Variants in NEK10 observed in about 807,000 individuals in gnomAD.
NEK10 encodes the protein NIMA related kinase 10, also known as serine/threonine-protein kinase Nek10.
In NEK10, 122 loss-of-function variants were observed where a neutral mutation model predicts 159.8. That is an observed-to-expected ratio of 0.76 (90% CI 0.66 to 0.89). The LOEUF (loss-of-function observed/expected upper bound fraction) is 0.89. Among genes scored for constraint, NEK10 ranks in the 40% least tolerant of loss-of-function variants. NEK10 has a pLI of 0.00. For synonymous variants in NEK10, 466 were observed against 457.1 expected, an observed-to-expected ratio of 1.02 and a Z score of -0.25; for missense variants, 1,342 against 1,323.1, an observed-to-expected ratio of 1.01 and a Z score of -0.22.
intron 25 of NEK10, among the ~76,000 whole-genome samples, chr3:27,200,802 G>A (rs1949977173): frequency 6.6e-6 from 1 of 152,124 alleles, no homozygotes. Context: ...GAGGAAGTGA[G>A]GGCCTGTGTC....
chr3:27,188,721 A>G (rs1422681122), intron 26 of NEK10, among the ~76,000 whole-genome samples: 1 of 152,176 alleles, frequency 6.6e-6, no homozygotes, highest in East Asian at 1.9e-4. Flanking sequence ...TGCTTTTTTC[A>G]CCCATTTAAA....
Position 27,109,152 on chromosome 3 carries a change from G to T in NEK10, c.*2120C>A, listed in dbSNP as rs1939264077. On this transcript the variant is annotated 3_prime_UTR_variant, in exon 36 of 36. Coordinates refer to ENST00000691995, the MANE Select transcript of NEK10 (RefSeq NM_001394966.1). Reference sequence around the variant, plus strand: ...CCAGCACTTTGGGAGGCCGAGGCAGGCAGATCACCTGAGGTCAGGAGTTTG... The same window carrying T: ...CCAGCACTTTGGGAGGCCGAGGCAGTCAGATCACCTGAGGTCAGGAGTTTG... 6.6e-6 allele frequency among the ~76,000 whole-genome samples: 1 copy of T among 152,182 alleles called. No individual in the cohort carries two copies. The highest frequency in any genetic ancestry group is 2.1e-4 in the South Asian group (1 of 4,834).
intron 30 of NEK10, among the ~76,000 whole-genome samples, chr3:27,145,737 C>T (rs1944235345): frequency 6.6e-6 from 1 of 151,506 alleles, no homozygotes; most frequent in African/African-American, 2.4e-5. Flanking sequence ...GTAGATTCTA[C>T]CCCCATTTTA....
At chr3:27,335,565 T>A (rs1400640877) in intron 5 of NEK10, among the ~76,000 whole-genome samples, 1 of 152,180 alleles carries the variant, frequency 6.6e-6, no homozygotes, top group Admixed American at 6.5e-5. Flanking sequence ...AAAATACAGT[T>A]CTTCTCCTCA....
chr3:27,287,136 T>TA (rs36078735), intron 20 of NEK10, among the ~76,000 whole-genome samples: 1,768 of 134,466 alleles, frequency 0.013, 42 homozygotes, highest in African/African-American at 0.039. Flanking sequence ...AGGCCCTACT[T>TA]AAAAAAAAAA....
intron 7 of NEK10, among the ~76,000 whole-genome samples, chr3:27,314,040 A>G (rs1476350511): frequency 6.6e-6 from 1 of 152,130 alleles, no homozygotes; most frequent in Non-Finnish European, 1.5e-5. Context: ...CTAGCTAAAG[A>G]CATGTGACCT....
intron 23 of NEK10, among the ~76,000 whole-genome samples, chr3:27,241,807 C>T (rs552424706): frequency 1.3e-5 from 2 of 152,278 alleles, no homozygotes; most frequent in African/African-American, 4.8e-5. Flanking sequence ...TTGATAGGCT[C>T]CTGTAAGTGC....
intron 22 of NEK10, among the ~76,000 whole-genome samples, chr3:27,282,677 CTG>C (rs1194303508): frequency 1.6e-5 from 2 of 129,000 alleles, no homozygotes; most frequent in Admixed American, 7.8e-5. Context: ...ATATACATAA[CTG>C]TGTTATATAT....
intron 8 of NEK10, 53 bp downstream of exon 8, chr3:27,312,046 T>C (rs1193352121): frequency 8.7e-7 from 1 of 1,144,596 alleles, no homozygotes; most frequent in South Asian, 1.3e-5. Context: ...AACACCATAC[T>C]GCTTTTTCTA....
At chr3:27,213,921 C>T (rs553805273) in intron 23 of NEK10, among the ~76,000 whole-genome samples, 4 of 152,128 alleles carry the variant, frequency 2.6e-5, no homozygotes, top group African/African-American at 9.7e-5. Flanking sequence ...TTTTCTGATC[C>T]TGAAGAGATT....
At chr3:27,181,060 T>A (rs1405089513) in intron 26 of NEK10, among the ~76,000 whole-genome samples, 1 of 152,148 alleles carries the variant, frequency 6.6e-6, no homozygotes, top group African/African-American at 2.4e-5. Context: ...GTCATGCTAC[T>A]CCTTCTGCTA....
rs144605955 is a variant in NEK10, at chr3:27,261,199, G to A, written c.2015-4828C>T. 5.7e-3 allele frequency among the ~76,000 whole-genome samples: 868 copies of A among 152,190 alleles called. 8 individuals are homozygous for A. The highest frequency in any genetic ancestry group is 0.02 in the African/African-American group (829 of 41,506). On this transcript the variant is annotated intron_variant, in intron 22 of 35. Transcript: ENST00000691995. ...TCCTGGATTCATTGATTTTTTGAAG[G>A]GTTTTTTTGTGTCTCTATTTCCTTC...
At chr3:27,218,689 ATACG>A (rs1345025242) in intron 23 of NEK10, among the ~76,000 whole-genome samples, 1 of 151,754 alleles carries the variant, frequency 6.6e-6, no homozygotes. Flanking sequence ...ACGGCTTAAA[ATACG>A]AAAATCAATC....
chr3:27,124,857 C>T (rs571076915), intron 32 of NEK10, among the ~76,000 whole-genome samples: 2 of 152,232 alleles, frequency 1.3e-5, no homozygotes, highest in East Asian at 3.9e-4. Flanking sequence ...AGCAGAGGCC[C>T]CAATGGCTAG....
chr3:27,208,808 G>A (rs188862108), intron 23 of NEK10, among the ~76,000 whole-genome samples: 40 of 152,292 alleles, frequency 2.6e-4, no homozygotes, highest in South Asian at 2.1e-4. Flanking sequence ...CAGATGTGAA[G>A]AGTCTCTCAA....
intron 12 of NEK10, among the ~76,000 whole-genome samples, chr3:27,302,195 T>G (rs185334422): frequency 2.0e-4 from 30 of 152,332 alleles, no homozygotes; most frequent in Admixed American, 3.3e-4. Context: ...TTTAAGAAAG[T>G]TCTCTCCTAT....
chr3:27,283,935 A>C (rs944494060), intron 22 of NEK10, among the ~76,000 whole-genome samples: 1 of 152,204 alleles, frequency 6.6e-6, no homozygotes, highest in African/African-American at 2.4e-5. Context: ...CAGTAAGAAA[A>C]AACCTGAAAA....
At chr3:27,348,186 C>CG (rs2047704733) in intron 3 of NEK10, among the ~76,000 whole-genome samples, 2 of 152,056 alleles carry the variant, frequency 1.3e-5, no homozygotes, top group African/African-American at 2.4e-5. Flanking sequence ...CATGATATAC[C>CG]GCATAAAAGA....
chr3:27,163,069 T>G (rs143489723), intron 29 of NEK10, among the ~76,000 whole-genome samples: 135 of 152,170 alleles, frequency 8.9e-4, no homozygotes, highest in African/African-American at 3.1e-3. Context: ...ATTTAAAATG[T>G]TATATATAGT....
Sources: gnomAD v4.1 joint callset for allele counts (sites outside exome capture counted in the v4.1 genomes callset) on GRCh38, gnomAD v4.1.1 for gene constraint, MANE v1.5 for transcripts, NCBI Gene and HGNC (gene_info 2026-07-23, HGNC 2026-07-21) for gene names.